WDPCP: variants seen among roughly 807,000 people sequenced by gnomAD.
WDPCP encodes WD repeat-containing and planar cell polarity effector protein fritz homolog.
WDPCP carries 71 observed loss-of-function variants against 93.1 expected under a neutral mutation model. The observed-to-expected ratio is 0.76, with a 90% CI of 0.63 to 0.93. WDPCP has a LOEUF of 0.93. WDPCP is among the 40% of genes least tolerant of loss of function. The probability of loss-of-function intolerance (pLI) is 0.00; values close to 1 mark genes in which losing one functional copy is unlikely to be tolerated. For synonymous variants in WDPCP, 315 were observed against 315.0 expected, an observed-to-expected ratio of 1.00 and a Z score of 0.00; for missense variants, 844 against 887.4, an observed-to-expected ratio of 0.95 and a Z score of 0.62.
intron 2 of WDPCP, among the ~76,000 whole-genome samples, chr2:63,777,800 G>A (rs1187126496): frequency 6.6e-6 from 1 of 152,154 alleles, no homozygotes; most frequent in Non-Finnish European, 1.5e-5. Flanking sequence ...TCACAAAGGA[G>A]CATAAGGAAA....
chr2:63,219,137 G>T (rs1424934578), intron 14 of WDPCP, among the ~76,000 whole-genome samples: 2 of 152,136 alleles, frequency 1.3e-5, no homozygotes, highest in Non-Finnish European at 2.9e-5. Flanking sequence ...TTTTCCAGAT[G>T]GATGCTTTTA....
At chr2:63,754,456 T>C (rs976422114) in intron 2 of WDPCP, among the ~76,000 whole-genome samples, 2 of 152,338 alleles carry the variant, frequency 1.3e-5, no homozygotes, top group East Asian at 1.9e-4. Context: ...TTTGATAGTG[T>C]TTGAAGAACT....
chr2:63,252,212 A>G (rs1387775814), intron 14 of WDPCP, among the ~76,000 whole-genome samples: 1 of 152,200 alleles, frequency 6.6e-6, no homozygotes, highest in African/African-American at 2.4e-5. Flanking sequence ...TAGACATGGA[A>G]AAAGCCTTTG....
chr2:63,239,103 G>C (rs959882658), intron 14 of WDPCP, among the ~76,000 whole-genome samples: 2 of 152,184 alleles, frequency 1.3e-5, no homozygotes, highest in Non-Finnish European at 2.9e-5. Context: ...TGAAAGATAT[G>C]TGTGTGTATA....
chr2:63,275,387 G>C (rs962711477), intron 13 of WDPCP, among the ~76,000 whole-genome samples: 6 of 152,078 alleles, frequency 3.9e-5, no homozygotes, highest in African/African-American at 1.4e-4. Context: ...ACAAGAAAAG[G>C]ATGCCCACTT....
chr2:63,385,808 A>AAGAAT (rs1231838226), intron 10 of WDPCP, among the ~76,000 whole-genome samples: 2 of 152,040 alleles, frequency 1.3e-5, no homozygotes, highest in African/African-American at 4.8e-5. Flanking sequence ...TAGGAAAAAG[A>AAGAAT]AGAATAAAGT....
Position 63,455,413 on chromosome 2 carries a change from G to GATATAT in WDPCP, c.385-15548_385-15543dup, listed in dbSNP as rs59481179. ...CTAAGAAATGTACTTTACTTGTAAAGATATATATATATATATATATATATA... is the reference window on the plus strand; with the variant it reads ...CTAAGAAATGTACTTTACTTGTAAAGATATATATATATATATATATATATATATATA... On this transcript the variant is annotated intron_variant, in intron 6 of 17. Coordinates refer to ENST00000272321, the MANE Select transcript of WDPCP (RefSeq NM_015910.7). Among the ~76,000 whole-genome samples, 54 of 140,940 alleles carry GATATAT rather than the reference G, an allele frequency of 3.8e-4. No homozygotes were observed. The South Asian group carries it at 4.8e-3, about 13-fold the overall frequency. The allele number at this position is 140,940 out of a possible 152,430, so 92.5% of individuals were successfully genotyped here.
At chr2:63,573,668 T>C (rs1278609869) in intron 1 of WDPCP, among the ~76,000 whole-genome samples, 2 of 152,106 alleles carry the variant, frequency 1.3e-5, no homozygotes, top group Non-Finnish European at 2.9e-5. Flanking sequence ...TCTGGGCACC[T>C]TGAAAAAAGA....
chr2:63,398,143 G>A (rs913999697), intron 10 of WDPCP, among the ~76,000 whole-genome samples: 3 of 152,104 alleles, frequency 2.0e-5, no homozygotes, highest in African/African-American at 7.2e-5. Flanking sequence ...GGTTGAGTGG[G>A]GGCGTCGTAA....
At chr2:63,589,247 G>A, upstream of WDPCP, 1 of 1,553,270 alleles carries the variant, frequency 6.4e-7, no homozygotes, top group Non-Finnish European at 8.7e-7. Context: ...CGGGGTATGG[G>A]GCGCTCTTAG....
intron 3 of WDPCP, among the ~76,000 whole-genome samples, chr2:63,639,115 A>C (rs1338070972): frequency 6.6e-6 from 1 of 152,206 alleles, no homozygotes; most frequent in Non-Finnish European, 1.5e-5. Flanking sequence ...TGAATTCATA[A>C]TTCAAAATCC....
intron 14 of WDPCP, among the ~76,000 whole-genome samples, chr2:63,239,580 G>A (rs1355288375): frequency 6.6e-6 from 1 of 152,090 alleles, no homozygotes. Context: ...ATTACCTTCA[G>A]AATTGATATA....
intron 2 of WDPCP, among the ~76,000 whole-genome samples, chr2:63,745,907 C>A (rs909439810): frequency 2.0e-5 from 3 of 152,148 alleles, no homozygotes; most frequent in Non-Finnish European, 4.4e-5. Context: ...AGATGCTGAT[C>A]AACCCATGGT....
chr2:63,778,624 T>G (rs867933120), intron 2 of WDPCP, among the ~76,000 whole-genome samples: 2 of 152,216 alleles, frequency 1.3e-5, no homozygotes, highest in Non-Finnish European at 2.9e-5. Context: ...GTTGTTCCTG[T>G]TATGGTTTGC....
chr2:63,763,923 T>C (rs1176824580), intron 2 of WDPCP, among the ~76,000 whole-genome samples: 3 of 152,194 alleles, frequency 2.0e-5, no homozygotes, highest in Non-Finnish European at 4.4e-5. Context: ...ACCTCAGTGA[T>C]GACTGACTAA....
At chr2:63,361,426 A>G (rs1690445146) in intron 12 of WDPCP, among the ~76,000 whole-genome samples, 1 of 152,222 alleles carries the variant, frequency 6.6e-6, no homozygotes, top group South Asian at 2.1e-4. Context: ...AAAAAAGTAG[A>G]CTTTTGAGCC....
At chr2:63,732,215 T>C (rs569107333) in intron 2 of WDPCP, among the ~76,000 whole-genome samples, 4 of 152,292 alleles carry the variant, frequency 2.6e-5, no homozygotes, top group Admixed American at 6.5e-5. Context: ...TTAAGACATA[T>C]AAAGAATGAG....
chr2:63,431,128 T>G (rs2105443389), intron 9 of WDPCP, among the ~76,000 whole-genome samples: 1 of 148,546 alleles, frequency 6.7e-6, no homozygotes, highest in East Asian at 2.0e-4. Flanking sequence ...CTTTTCATGG[T>G]CTGTTATGTA....
intron 3 of WDPCP, among the ~76,000 whole-genome samples, chr2:63,613,844 C>T (rs541356409): frequency 3.3e-5 from 5 of 152,182 alleles, no homozygotes; most frequent in Admixed American, 6.5e-5. Context: ...CCTTGTCTGA[C>T]TGAGGAAAAC....
Sources: gnomAD v4.1 joint callset for allele counts (sites outside exome capture counted in the v4.1 genomes callset) on GRCh38, gnomAD v4.1.1 for gene constraint, MANE v1.5 for transcripts, NCBI Gene and HGNC (gene_info 2026-07-23, HGNC 2026-07-21) for gene names.